Variants in EYA4 observed in about 807,000 individuals in gnomAD.
EYA4 encodes the protein EYA transcriptional coactivator and phosphatase 4.
In EYA4, 31 loss-of-function variants were observed where a neutral mutation model predicts 87.9. The observed-to-expected ratio is 0.35, with a 90% CI of 0.27 to 0.48. The LOEUF (loss-of-function observed/expected upper bound fraction) is 0.48. Ranked by LOEUF, EYA4 falls within the 20% of genes least tolerant of loss-of-function variation. The pLI, the probability that EYA4 is intolerant of heterozygous loss-of-function variation, is 0.99. For synonymous variants in EYA4, 263 were observed against 270.6 expected, an observed-to-expected ratio of 0.97 and a Z score of 0.28; for missense variants, 678 against 761.4, an observed-to-expected ratio of 0.89 and a Z score of 1.29.
intron 2 of EYA4, among the ~76,000 whole-genome samples, chr6:133,294,349 T>G (rs1582874204): frequency 1.3e-5 from 2 of 150,826 alleles, no homozygotes; most frequent in South Asian, 4.2e-4. Context: ...TTCTGTTTTT[T>G]TTTTGTTTTG....
At chr6:133,503,417 C>T (rs545988777) in intron 13 of EYA4, among the ~76,000 whole-genome samples, 1 of 152,244 alleles carries the variant, frequency 6.6e-6, no homozygotes, top group African/African-American at 2.4e-5. Flanking sequence ...AACCTGGTCT[C>T]CAGAAGGAAA....
intron 6 of EYA4, 55 bp from the exon 7 acceptor site, chr6:133,461,059 G>A: frequency 1.8e-6 from 2 of 1,142,104 alleles, no homozygotes; most frequent in Non-Finnish European, 2.7e-6. Flanking sequence ...GTACACTCTA[G>A]TGAAATGTAT....
chr6:133,394,570 G>GA (rs887066431), intron 3 of EYA4, among the ~76,000 whole-genome samples: 58 of 144,730 alleles, frequency 4.0e-4, no homozygotes, highest in Middle Eastern at 3.5e-3. Flanking sequence ...ATTACAGAGA[G>GA]AAAAAAAAAA....
At chr6:133,498,218 G>A (rs1797798381) in intron 13 of EYA4, among the ~76,000 whole-genome samples, 1 of 152,174 alleles carries the variant, frequency 6.6e-6, no homozygotes, top group Non-Finnish European at 1.5e-5. Context: ...CCTAATGGCA[G>A]TGCTAACAAA....
intron 2 of EYA4, among the ~76,000 whole-genome samples, chr6:133,371,507 C>G (rs1328052152): frequency 1.3e-5 from 2 of 152,042 alleles, no homozygotes; most frequent in African/African-American, 2.4e-5. Context: ...CAAAAATGAC[C>G]AAGAAAAGCA....
intron 2 of EYA4, among the ~76,000 whole-genome samples, chr6:133,379,838 C>T (rs2128476262): frequency 6.6e-6 from 1 of 152,120 alleles, no homozygotes. Context: ...AACTTTCAGC[C>T]CTCACCTCAT....
At chr6:133,431,956 T>G (rs944246735) in intron 3 of EYA4, among the ~76,000 whole-genome samples, 2 of 152,046 alleles carry the variant, frequency 1.3e-5, no homozygotes, top group Admixed American at 1.3e-4. Context: ...TTGATTTTTT[T>G]TTTTTTTTGC....
rs545928872 is a variant in EYA4 at position 133,513,071 on chromosome 6, C to T, written c.1501+33C>T. The stretch of plus-strand genomic sequence containing the variant: ...TGGCTTTTTCAATCTAACAAAGGTA[C>T]TCTGGGTATAGGTAGAATTCAATCT... On this transcript the variant is annotated intron_variant, in intron 16 of 19. Coordinates refer to ENST00000355286, the MANE Select transcript of EYA4 (RefSeq NM_004100.5). 8 of 1,586,702 alleles carry T rather than the reference C, an allele frequency of 5.0e-6. No individual in the cohort carries two copies. The African/African-American group carries it at 9.4e-5, about 19-fold the overall frequency.
chr6:133,367,760 CTA>C (rs1328451284), intron 2 of EYA4, among the ~76,000 whole-genome samples: 2 of 152,130 alleles, frequency 1.3e-5, no homozygotes, highest in African/African-American at 4.8e-5. Context: ...TTGATTTTGG[CTA>C]TCTTATTAAC....
intron 14 of EYA4, chr6:133,510,476 A>G: frequency 2.9e-6 from 1 of 349,968 alleles, no homozygotes; most frequent in Non-Finnish European, 5.7e-6. Context: ...ATATTCTGGG[A>G]GAAAAACTTT....
chr6:133,436,904 G>A (rs1267974787), intron 3 of EYA4, among the ~76,000 whole-genome samples: 2 of 152,086 alleles, frequency 1.3e-5, no homozygotes, highest in African/African-American at 2.4e-5. Context: ...TTCAGAGTTC[G>A]AGTAGACTCT....
rs1777000008 is a variant in EYA4, at chr6:133,274,435, A to G, written c.-65-281A>G. Among the ~76,000 whole-genome samples, 2 of 152,322 alleles carry G rather than the reference A, an allele frequency of 1.3e-5. 1 individual carries two copies. The highest frequency in any genetic ancestry group is 6.8e-3 in the Middle Eastern group (2 of 294). On this transcript the variant is annotated intron_variant, in intron 1 of 19. Transcript: ENST00000355286. ...CATACCTCCCTCAGTAAAATAGTGT[A>G]TTAACTGTTTATTGCAGACTGTGTT...
At chr6:133,358,466 A>G (rs1784230006) in intron 2 of EYA4, among the ~76,000 whole-genome samples, 1 of 152,240 alleles carries the variant, frequency 6.6e-6, no homozygotes, top group African/African-American at 2.4e-5. Context: ...ATACTTCTAG[A>G]TAGAATTCAC....
At chr6:133,461,344 T>G (rs1794365472) in intron 7 of EYA4, among the ~76,000 whole-genome samples, 164 bp downstream of exon 7, 1 of 152,178 alleles carries the variant, frequency 6.6e-6, no homozygotes, top group Middle Eastern at 3.2e-3. Context: ...CCCTTGAATA[T>G]TTATGTATAC....
At chr6:133,280,577 T>C (rs935416143) in intron 2 of EYA4, among the ~76,000 whole-genome samples, 2 of 152,076 alleles carry the variant, frequency 1.3e-5, no homozygotes, top group African/African-American at 4.8e-5. Flanking sequence ...TTTGTATTTT[T>C]AGTAGAGATG....
intron 11 of EYA4, among the ~76,000 whole-genome samples, chr6:133,473,937 A>G (rs186989757): frequency 6.6e-6 from 1 of 152,180 alleles, no homozygotes; most frequent in East Asian, 1.9e-4. Flanking sequence ...TCTTTGGGTC[A>G]ATACTTGTGT....
In EYA4 at chr6:133,523,135, G is replaced by A. The variant is rs908132048; in HGVS notation, c.1696G>A (p.Gly566Ser). 13 of 1,612,246 alleles carry A rather than the reference G, an allele frequency of 8.1e-6. No homozygotes were observed. Among genetic ancestry groups the A allele is most frequent in the Non-Finnish European group, 1.0e-5 (12 of 1,178,670 alleles). The change falls in exon 18 of 20, where the codon GGT (glycine) becomes AGT (serine). Residue 566 changes from glycine to serine, a missense_variant. Gly to Ser is a moderately conservative substitution (Grantham distance 56, BLOSUM62 0). Transcript: ENST00000355286. ...LAKVLLYSLGGAFPIENIYSA... is the reference protein window; with the variant it reads ...LAKVLLYSLGSAFPIENIYSA... ...GAAGGTTCTACTCTATAGTTTAGGA[G>A]GTGCTTTCCCCATTGAGAATATTTA...
intron 2 of EYA4, among the ~76,000 whole-genome samples, chr6:133,283,977 T>C (rs1221987728): frequency 1.3e-5 from 2 of 152,208 alleles, no homozygotes; most frequent in Non-Finnish European, 2.9e-5. Flanking sequence ...CTTAAGATAA[T>C]GGCCTTCAGT....
chr6:133,399,664 T>C (rs936476823), intron 3 of EYA4, among the ~76,000 whole-genome samples: 2 of 152,200 alleles, frequency 1.3e-5, no homozygotes, highest in African/African-American at 4.8e-5. Context: ...GAAACGAAAG[T>C]TCCCATCAAA....
Sources: gnomAD v4.1 joint callset for allele counts (sites outside exome capture counted in the v4.1 genomes callset) on GRCh38, gnomAD v4.1.1 for gene constraint, MANE v1.5 for transcripts, NCBI Gene and HGNC (gene_info 2026-07-23, HGNC 2026-07-21) for gene names.